Variants in ARHGEF18 observed in about 807,000 individuals in gnomAD.
ARHGEF18 encodes the protein rho guanine nucleotide exchange factor 18.
ARHGEF18 carries 93 observed loss-of-function variants against 155.7 expected under a neutral mutation model. The ratio of observed to expected loss-of-function variants is 0.60; its 90% CI spans 0.50 to 0.71. The LOEUF (loss-of-function observed/expected upper bound fraction) is 0.71, where lower values mean the gene tolerates loss of function less well. ARHGEF18 is among the 30% of genes least tolerant of loss of function. The pLI is 0.00. For missense variants in ARHGEF18, 1,593 were observed against 1,816.1 expected (o/e 0.88, Z 2.23); for synonymous variants, 742 against 753.1 (o/e 0.99, Z 0.24).
chr19:7,467,187 C>T (rs1007240588), intron 25 of ARHGEF18, 27 bp from the exon 26 acceptor site: 6 of 1,579,236 alleles, frequency 3.8e-6, no homozygotes, highest in Non-Finnish European at 5.2e-6. Flanking sequence ...GTGCGGCTCT[C>T]ACTCGCCTGG....
rs201212270 is a variant in ARHGEF18, at chr19:7,459,970, G to A, written c.2428G>A (p.Ala810Thr). 8.8e-6 allele frequency: 14 copies of A among 1,584,990 alleles called. No homozygotes were observed. The East Asian group carries it at 9.2e-5, about 10-fold the overall frequency. ...EEERKVVEARATRLRDFQERL... is the reference protein window; with the variant it reads ...EEERKVVEARTTRLRDFQERL... ...GGAAAGGAAGGTGGTCGAGGCCCGCGCCACGAGACTCCGGGACTTTCAAGG... is the reference window on the plus strand; with the variant it reads ...GGAAAGGAAGGTGGTCGAGGCCCGCACCACGAGACTCCGGGACTTTCAAGG... Residue 810 changes from alanine to threonine, a missense_variant, in exon 20 of 29, where the codon GCC (alanine) becomes ACC (threonine). Coordinates refer to ENST00000668164, the MANE Select transcript of ARHGEF18 (RefSeq NM_001367823.1).
chr19:7,442,263 G>GTC (rs1345134699), intron 13 of ARHGEF18, among the ~76,000 whole-genome samples: 1 of 149,332 alleles, frequency 6.7e-6, no homozygotes, highest in Non-Finnish European at 1.5e-5. Flanking sequence ...TTGAGACACA[G>GTC]TCTCTCTCTA....
At chr19:7,420,788 A>G (rs1973306266) in intron 10 of ARHGEF18, among the ~76,000 whole-genome samples, 1 of 152,196 alleles carries the variant, frequency 6.6e-6, no homozygotes, top group African/African-American at 2.4e-5. Flanking sequence ...TGCAGAGGGC[A>G]GGTGGCCCTG....
intron 10 of ARHGEF18, among the ~76,000 whole-genome samples, chr19:7,416,551 G>T (rs1483705332): frequency 1.3e-5 from 2 of 149,216 alleles, no homozygotes; most frequent in Non-Finnish European, 3.0e-5. Context: ...GTGTGTGTGT[G>T]TGTGTGTGTG....
intron 10 of ARHGEF18, among the ~76,000 whole-genome samples, chr19:7,399,162 C>T (rs1441568463): frequency 2.0e-5 from 3 of 152,148 alleles, no homozygotes; most frequent in African/African-American, 4.8e-5. Flanking sequence ...TCAAGAACTA[C>T]TGTGTTTGAA....
At chr19:7,425,906 A>G (rs556015319) in intron 10 of ARHGEF18, among the ~76,000 whole-genome samples, 10 of 152,122 alleles carry the variant, frequency 6.6e-5, no homozygotes, top group Non-Finnish European at 8.8e-5. Context: ...AGGCTGAGGC[A>G]GGAGGATTGT....
intron 10 of ARHGEF18, among the ~76,000 whole-genome samples, chr19:7,401,072 A>C (rs1163787634): frequency 6.6e-6 from 1 of 152,170 alleles, no homozygotes; most frequent in Non-Finnish European, 1.5e-5. Context: ...AGTTATCCAC[A>C]ATGGGGATTA....
chr19:7,421,129 C>T (rs1326609002), intron 10 of ARHGEF18, among the ~76,000 whole-genome samples: 1 of 104,604 alleles, frequency 9.6e-6, no homozygotes, highest in Non-Finnish European at 1.8e-5. Flanking sequence ...TGTGGTCCCA[C>T]TGTGTTGTCC....
chr19:7,475,404 G>A (rs990412564), downstream of ARHGEF18, among the ~76,000 whole-genome samples: 2 of 152,194 alleles, frequency 1.3e-5, no homozygotes, highest in Non-Finnish European at 2.9e-5. Flanking sequence ...TGGGGTGATG[G>A]AATGTTCTAA....
At position 7,407,369 on chromosome 19, in the gene ARHGEF18, C is replaced by T. The variant is rs149422261; in HGVS notation, c.967+24166C>T. Among the ~76,000 whole-genome samples, 603 of 149,534 alleles carry T rather than the reference C, an allele frequency of 4.0e-3. 2 individuals carry two copies. The highest frequency in any genetic ancestry group is 0.012 in the African/African-American group (489 of 40,506). On this transcript the variant is annotated intron_variant, in intron 10 of 28. Transcript: ENST00000668164. ...GGAACCCAAGAGGTGGGGGTTGAAG[C>T]GAGCCGAGATTGAGCCACTGTACCC...
intron 8 of ARHGEF18, 31 bp from the exon 9 acceptor site, chr19:7,382,761 C>A: frequency 8.1e-7 from 1 of 1,229,582 alleles, no homozygotes; most frequent in Non-Finnish European, 1.0e-6. Context: ...CCCCTGGCCC[C>A]CTCTAGTGGA....
intron 10 of ARHGEF18, among the ~76,000 whole-genome samples, chr19:7,386,517 C>CAT (rs1971086108): frequency 2.0e-5 from 3 of 151,932 alleles, no homozygotes; most frequent in African/African-American, 7.2e-5. Flanking sequence ...CCAGGGATAG[C>CAT]CTCTCCGAAT....
At chr19:7,386,052 C>T (rs929722499) in intron 10 of ARHGEF18, among the ~76,000 whole-genome samples, 19 of 147,468 alleles carry the variant, frequency 1.3e-4, no homozygotes, top group African/African-American at 3.0e-4. Flanking sequence ...CTCTCCTCCC[C>T]GCCACCCCCG....
At chr19:7,431,630 A>C (rs550216771) in intron 10 of ARHGEF18, among the ~76,000 whole-genome samples, 44 of 152,226 alleles carry the variant, frequency 2.9e-4, no homozygotes, top group African/African-American at 1.1e-3. Flanking sequence ...AGCCTGACCA[A>C]CATGGCGAAA....
intron 17 of ARHGEF18, among the ~76,000 whole-genome samples, chr19:7,454,294 G>A (rs1398181826): frequency 6.6e-6 from 1 of 152,072 alleles, no homozygotes; most frequent in Non-Finnish European, 1.5e-5. Flanking sequence ...AGGAATGATG[G>A]CACCATCTTA....
At chr19:7,383,932 C>T (rs1182809818) in intron 10 of ARHGEF18, among the ~76,000 whole-genome samples, 2 of 151,744 alleles carry the variant, frequency 1.3e-5, no homozygotes, top group African/African-American at 2.4e-5. Flanking sequence ...AGTCTCTACT[C>T]GAGAAAAAGT....
chr19:7,453,630 C>G lies in ARHGEF18; in HGVS notation c.2019C>G (p.Leu673=). 6.2e-7 allele frequency: 1 copy of G among 1,612,548 alleles called. No individual in the cohort carries two copies. The highest frequency in any genetic ancestry group is 1.7e-5 in the Admixed American group (1 of 59,914). The change falls in exon 17 of 29, where the codon CTC becomes CTG. Residue 673 remains leucine (L), a synonymous_variant. Coordinates refer to ENST00000668164, the MANE Select transcript of ARHGEF18 (RefSeq NM_001367823.1). ...LKSSSKLKNG[L]TFRKEDMLQR... is the part of the protein sequence containing the mutation. ...CTTCCAGCAAACTCAAGAACGGGCT[C>G]ACCTTCCGCAAGGAAGACATGCTTC...
At chr19:7,434,093 A>G (rs1405208712) in intron 10 of ARHGEF18, among the ~76,000 whole-genome samples, 1 of 151,544 alleles carries the variant, frequency 6.6e-6, no homozygotes, top group Non-Finnish European at 1.5e-5. Context: ...TGGGATCCTG[A>G]CACCTGTTAC....
intron 10 of ARHGEF18, chr19:7,439,883 T>G (rs751110854): frequency 3.5e-4 from 504 of 1,449,726 alleles, no homozygotes; most frequent in Non-Finnish European, 4.1e-4. Context: ...CTGGAGGGGT[T>G]GTTTTTTTTT....
Sources: allele counts gnomAD v4.1 joint callset (sites outside exome capture counted in the v4.1 genomes callset), GRCh38; gene constraint gnomAD v4.1.1; transcripts MANE v1.5; gene names NCBI Gene and HGNC (gene_info 2026-07-23, HGNC 2026-07-21).